ITM2A: variants seen among roughly 807,000 people sequenced by gnomAD.
The protein encoded by ITM2A is BRICHOS domain containing 2A.
Under a neutral mutation model 16.6 loss-of-function variants are expected in ITM2A, and 11 were observed. The ratio of observed to expected loss-of-function variants is 0.66; its 90% confidence interval spans 0.42 to 1.10. The LOEUF (loss-of-function observed/expected upper bound fraction) is 1.10. Ranked by LOEUF, ITM2A falls within the 50% of genes least tolerant of loss-of-function variation. The probability of loss-of-function intolerance (pLI) is 0.00; values close to 1 mark genes in which losing one functional copy is unlikely to be tolerated. For synonymous variants in ITM2A, 102 were observed against 71.2 expected (o/e 1.43, Z -2.18); for missense variants, 243 against 206.8 (o/e 1.17, Z -1.07).
At position 79,367,265 on chromosome X, in the gene ITM2A, G is replaced by A; in HGVS notation, c.-50C>T. The A allele has an allele frequency of 1.2e-6, 1 of 867,180 alleles. No homozygotes were observed. Among genetic ancestry groups the A allele is most frequent in the Non-Finnish European group, 1.7e-6 (1 of 600,467 alleles). 71.5% of individuals were successfully genotyped at this position (867,180 alleles called of 1,213,427 possible). A position where few individuals can be genotyped will look rare whatever the true frequency, so the allele number is the denominator to read the frequency against. ...AGGCGCTGCTGGAATCAGCGTCCTG[G>A]GCTGCAGACTGCAAGAGGAGATCCT... On this transcript the variant is annotated 5_prime_UTR_variant, in exon 1 of 6. Transcript: ENST00000373298.
chrX:79,361,824 T>C (rs1252349118), intron 4 of ITM2A, among the ~76,000 whole-genome samples: 3 of 104,239 alleles, frequency 2.9e-5, no homozygotes, highest in East Asian at 3.1e-4. Context: ...GCTTTATCCA[T>C]GTCTCTGCAA....
chrX:79,365,581 C>T (rs955395760), intron 1 of ITM2A, among the ~76,000 whole-genome samples: 1 of 110,294 alleles, frequency 9.1e-6, no homozygotes, highest in Non-Finnish European at 1.9e-5. Context: ...TTGCTTATTC[C>T]TCATCGCACC....
At chrX:79,365,675 A>AAG (rs1925551542) in intron 1 of ITM2A, among the ~76,000 whole-genome samples, 1 of 109,910 alleles carries the variant, frequency 9.1e-6, no homozygotes, top group South Asian at 3.9e-4. Flanking sequence ...GAAAAAAAAA[A>AAG]AAAGGATTAC....
At position 79,360,783 on chromosome X, in the gene ITM2A, G is replaced by A. The variant is rs1006583159; in HGVS notation, c.*306C>T. The A allele has an allele frequency of 4.8e-5, 7 of 146,950 alleles. No homozygotes were observed. Among genetic ancestry groups the A allele is most frequent in the African/African-American group, 6.2e-5 (2 of 32,141 alleles). The allele number at this position is 146,950 out of a possible 1,213,427, so 12.1% of individuals were successfully genotyped here. On this transcript the variant is annotated 3_prime_UTR_variant, in exon 6 of 6. Coordinates refer to ENST00000373298, the MANE Select transcript of ITM2A (RefSeq NM_004867.5). Reference sequence around the variant, plus strand: ...AAAACAAACAAACAAAAAAAACAACGGATGGAATTTATTGTCAGGATGTTA... The same window carrying A: ...AAAACAAACAAACAAAAAAAACAACAGATGGAATTTATTGTCAGGATGTTA...
chrX:79,363,878 A>T (rs1925502248), intron 1 of ITM2A, among the ~76,000 whole-genome samples: 1 of 111,999 alleles, frequency 8.9e-6, no homozygotes, highest in Non-Finnish European at 1.9e-5. Flanking sequence ...TGCTAAGAAC[A>T]CTTAACACGA....
At chrX:79,366,742 C>T (rs1440919721) in intron 1 of ITM2A, 2 of 153,174 alleles carry the variant, frequency 1.3e-5, no homozygotes, top group Non-Finnish European at 2.5e-5. Context: ...AGACTATGCG[C>T]GCCCCTGGAG....
At position 79,366,979 on chromosome X, in the gene ITM2A, G is replaced by C. The variant is rs759348449; in HGVS notation, c.111+126C>G. The C allele has an allele frequency of 1.1e-5, 5 of 474,821 alleles. No individual in the cohort carries two copies. In the Admixed American group the frequency reaches 1.2e-4, roughly 11 times the overall value. 39.1% of individuals were successfully genotyped at this position (474,821 alleles called of 1,213,427 possible). On this transcript the variant is annotated intron_variant, in intron 1 of 5. Coordinates refer to ENST00000373298, the MANE Select transcript of ITM2A (RefSeq NM_004867.5). ...GCAAGGAGACAGAACCGAGGCGACC[G>C]GGTAAACCCCAGAGACAGCGTAAGA...
At chrX:79,363,922 A>T in intron 1 of ITM2A, among the ~76,000 whole-genome samples, 1 of 112,142 alleles carries the variant, frequency 8.9e-6, no homozygotes, top group East Asian at 2.8e-4. Context: ...AATGTATAAT[A>T]TAGTATTAAC....
intron 3 of ITM2A, 48 bp downstream of exon 3, chrX:79,362,894 A>G (rs768636159): frequency 2.0e-6 from 2 of 993,277 alleles, no homozygotes; most frequent in African/African-American, 3.8e-5. Context: ...AAAAAGAGAG[A>G]GAGAGAGAAA....
At chrX:79,363,782 C>T (rs1022814083) in intron 1 of ITM2A, among the ~76,000 whole-genome samples, 3 of 111,503 alleles carry the variant, frequency 2.7e-5, no homozygotes, top group East Asian at 5.5e-4. Flanking sequence ...ACCCAAATAT[C>T]GATATGAAAT....
In ITM2A at chrX:79,361,319, A is replaced by G. The variant is rs1286624802; in HGVS notation, c.703+10T>C. 8.3e-7 allele frequency: 1 copy of G among 1,200,065 alleles called. No homozygotes were observed. Among genetic ancestry groups the G allele is most frequent in the African/African-American group, 1.8e-5 (1 of 57,127 alleles). On this transcript the variant is annotated intron_variant, in intron 5 of 5. Coordinates refer to ENST00000373298, the MANE Select transcript of ITM2A (RefSeq NM_004867.5). Reference sequence around the variant, plus strand: ...CACAGGGTGAAGGAAGGAATACATTAGTTACTTACCCAGCAAGAGGTCTCT... The same window carrying G: ...CACAGGGTGAAGGAAGGAATACATTGGTTACTTACCCAGCAAGAGGTCTCT...
Position 79,362,959 on chromosome X carries a change from T to A in ITM2A, c.424A>T (p.Ile142Phe), listed in dbSNP as rs1480268726. Residue 142 changes from isoleucine to phenylalanine, a missense_variant, in exon 3 of 6, where the codon ATT (isoleucine) becomes TTT (phenylalanine). Physicochemically the swap from Ile to Phe is conservative, Grantham distance 21. Transcript: ENST00000373298. ...SFSDSDPAAI[I>F]HDFEKGMTAY... ...AAGCCCACCTTTTCAAAGTCATGAA[T>A]AATTGCTGCAGGGTCACTATCAGAG... 1 of 1,200,815 alleles carries A rather than the reference T, an allele frequency of 8.3e-7. No homozygotes were observed. The highest frequency in any genetic ancestry group is 1.1e-6 in the Non-Finnish European group (1 of 887,288).
chrX:79,364,556 T>C (rs6522993), intron 1 of ITM2A, among the ~76,000 whole-genome samples: 11,572 of 111,822 alleles, frequency 0.1, 1,202 homozygotes, highest in African/African-American at 0.31. Flanking sequence ...CTAAGCAGCA[T>C]TGTTACTCAA....
At chrX:79,366,222 G>A (rs1925570762) in intron 1 of ITM2A, among the ~76,000 whole-genome samples, 1 of 111,601 alleles carries the variant, frequency 9.0e-6, no homozygotes, top group African/African-American at 3.3e-5. Context: ...TTGGGGAAGA[G>A]CTTCCCCAGT....
At chrX:79,361,582 C>T (rs2147248861) in intron 4 of ITM2A, 103 bp from the exon 5 acceptor site, 2 of 677,190 alleles carry the variant, frequency 3.0e-6, no homozygotes, top group East Asian at 7.0e-5. Context: ...AAAGTTGTGT[C>T]ATGGGGTTTG....
Position 79,360,584 on chromosome X carries a change from C to T in ITM2A, c.*505G>A, listed in dbSNP as rs1159997947. ...AATTACAGAGCACCTAACAGAACTG[C>T]AAAGATGTAATTTCTAAATTCAAGA... On this transcript the variant is annotated 3_prime_UTR_variant, in exon 6 of 6. Coordinates refer to ENST00000373298, the MANE Select transcript of ITM2A (RefSeq NM_004867.5). 2.7e-5 allele frequency: 3 copies of T among 111,039 alleles called. No homozygotes were observed. The highest frequency in any genetic ancestry group is 9.8e-5 in the African/African-American group (3 of 30,598). 9.2% of individuals were successfully genotyped at this position (111,039 alleles called of 1,213,427 possible). A position where few individuals can be genotyped will look rare whatever the true frequency, so the allele number is the denominator to read the frequency against.
At chrX:79,365,916 A>C (rs1602222724) in intron 1 of ITM2A, among the ~76,000 whole-genome samples, 1 of 112,543 alleles carries the variant, frequency 8.9e-6, no homozygotes, top group African/African-American at 3.2e-5. Flanking sequence ...AAGCTGGATA[A>C]GCACATTAAC....
chrX:79,366,505 C>G (rs1216506229), intron 1 of ITM2A, among the ~76,000 whole-genome samples: 1 of 110,717 alleles, frequency 9.0e-6, no homozygotes, highest in Admixed American at 9.6e-5. Flanking sequence ...TTAAAGCCAC[C>G]TATGACCAGA....
chrX:79,363,531 T>A lies in ITM2A; in HGVS notation c.135A>T (p.Glu45Asp). 2 of 1,186,675 alleles carry A rather than the reference T, an allele frequency of 1.7e-6. No individual in the cohort carries two copies. Residue 45 changes from glutamate (E) to aspartate (D), a missense_variant, in exon 2 of 6, where the codon GAA becomes GAT. Coordinates refer to ENST00000373298, the MANE Select transcript of ITM2A (RefSeq NM_004867.5). ...TACATCTCCCAGAGGAGCCCTCTTT[T>A]TCCTGGGTGGCAACTCGGAGCTCCT... is the stretch of plus-strand genomic sequence containing the variant. ...TGKELRVATQ[E>D]KEGSSGRCML...
Sources: gnomAD v4.1 joint callset for allele counts (sites outside exome capture counted in the v4.1 genomes callset) on GRCh38, gnomAD v4.1.1 for gene constraint, MANE v1.5 for transcripts, NCBI Gene and HGNC (gene_info 2026-07-23, HGNC 2026-07-21) for gene names.